AKAP9: variants seen among roughly 807,000 people sequenced by gnomAD.
AKAP9 encodes A-kinase anchoring protein 9, also known as A-kinase anchor protein 9.
AKAP9 carries 311 observed loss-of-function variants against 488.5 expected under a neutral mutation model. That is an observed-to-expected ratio of 0.64 (90% confidence interval 0.58 to 0.70). The LOEUF is 0.70. Among genes scored for constraint, AKAP9 ranks in the 30% least tolerant of loss-of-function variants. The probability of loss-of-function intolerance (pLI) is 0.00; values close to 1 mark genes in which losing one functional copy is unlikely to be tolerated. For missense variants in AKAP9, 4,215 were observed against 4,374.5 expected, an observed-to-expected ratio of 0.96 and a Z score of 1.03; for synonymous variants, 1,462 against 1,483.5, an observed-to-expected ratio of 0.99 and a Z score of 0.33.
chr7:92,039,904 G>A (rs1014672522), intron 17 of AKAP9, among the ~76,000 whole-genome samples: 1 of 152,220 alleles, frequency 6.6e-6, no homozygotes, highest in East Asian at 1.9e-4. Context: ...GAACTGGGGA[G>A]ATGAAGGTTG....
At chr7:92,077,910 T>C in intron 30 of AKAP9, 35 bp downstream of exon 30, 2 of 1,540,754 alleles carry the variant, frequency 1.3e-6, no homozygotes, top group Middle Eastern at 2.0e-4. Context: ...GAAATTAATA[T>C]GAACCAGAGT....
At chr7:91,950,478 C>G (rs376828698) in intron 1 of AKAP9, among the ~76,000 whole-genome samples, 3 of 152,128 alleles carry the variant, frequency 2.0e-5, no homozygotes, top group African/African-American at 7.2e-5. Flanking sequence ...GATCCGCCTG[C>G]CTCGGCCTCC....
intron 16 of AKAP9, among the ~76,000 whole-genome samples, chr7:92,035,915 A>AT (rs201013300): frequency 5.1e-4 from 75 of 148,106 alleles, no homozygotes; most frequent in African/African-American, 1.5e-3. Context: ...ATTTACCCAC[A>AT]TTTTTTTTTT....
At chr7:91,961,367 G>A (rs1014369437) in intron 1 of AKAP9, among the ~76,000 whole-genome samples, 4 of 151,314 alleles carry the variant, frequency 2.6e-5, no homozygotes, top group African/African-American at 4.9e-5. Context: ...TAGTAGAGAC[G>A]GGGTTTCACC....
chr7:92,062,762 A>G (rs1247395236), intron 24 of AKAP9, among the ~76,000 whole-genome samples: 1 of 152,130 alleles, frequency 6.6e-6, no homozygotes, highest in East Asian at 1.9e-4. Flanking sequence ...AGCTGCAAAT[A>G]ATGAGGCAGG....
At chr7:92,104,956 A>G (rs181103736) in intron 46 of AKAP9, among the ~76,000 whole-genome samples, 2 of 152,314 alleles carry the variant, frequency 1.3e-5, no homozygotes, top group Admixed American at 6.5e-5. Flanking sequence ...AATTTTGATT[A>G]GAGGGATCTA....
At chr7:91,964,957 G>A (rs1794247112) in intron 1 of AKAP9, among the ~76,000 whole-genome samples, 1 of 151,938 alleles carries the variant, frequency 6.6e-6, no homozygotes, top group African/African-American at 2.4e-5. Flanking sequence ...ATAATTTAAT[G>A]CACTCATATA....
At chr7:92,063,511 A>G in intron 24 of AKAP9, 1 of 984,192 alleles carries the variant, frequency 1.0e-6, no homozygotes, top group Non-Finnish European at 1.2e-6. Flanking sequence ...GTGTGTGTAT[A>G]CCATTGCATG....
chr7:91,978,113 G>A (rs1247863224), intron 2 of AKAP9, among the ~76,000 whole-genome samples: 5 of 151,746 alleles, frequency 3.3e-5, no homozygotes, highest in Admixed American at 2.6e-4. Context: ...ATGTTGGTGC[G>A]TGACTGTAAT....
chr7:92,001,941 G>A lies in AKAP9; in HGVS notation c.2024G>A (p.Ser675Asn), dbSNP rs1316989997. 1.2e-6 allele frequency: 2 copies of A among 1,612,788 alleles called. No individual in the cohort carries two copies. The highest frequency in any genetic ancestry group is 1.3e-5 in the African/African-American group (1 of 74,898). ...ATAGATGGTTTACAGAATGAAATGA[G>A]TCAAAAGATAGAAACCATGCAGTTT... ...QQIDGLQNEM[S>N]QKIETMQFEK... Residue 675 changes from serine (S) to asparagine (N), a missense_variant, in exon 8 of 50, where the codon AGT becomes AAT. By Grantham distance (46) the Ser-to-Asn change is conservative. Around this residue, in one of 5 missense-constraint regions of AKAP9, gnomAD observed 2,361 missense variants for 2,430.0 expected, o/e 0.97. Coordinates refer to ENST00000356239, the MANE Select transcript of AKAP9 (RefSeq NM_005751.5).
chr7:92,080,116 AAAG>A lies in AKAP9; in HGVS notation c.7986_7988del (p.Lys2663del). On this transcript the variant is annotated inframe_deletion, in exon 31 of 50. Transcript: ENST00000356239. ...ATGAGAAAAAACAGAGAGAGAAAGA[AAAG>A]AAAAGAAGCCCTCAAGATGTTGAAG... 6.3e-7 allele frequency: 1 copy of A among 1,592,498 alleles called. No individual in the cohort carries two copies. Among genetic ancestry groups the A allele is most frequent in the Non-Finnish European group, 8.5e-7 (1 of 1,175,948 alleles).
intron 1 of AKAP9, among the ~76,000 whole-genome samples, chr7:91,953,227 A>G (rs998885112): frequency 6.6e-6 from 1 of 152,198 alleles, no homozygotes; most frequent in African/African-American, 2.4e-5. Context: ...GAGCATGGAG[A>G]GGAGGTTTCT....
intron 18 of AKAP9, 149 bp from the exon 19 acceptor site, chr7:92,041,897 T>C (rs1806169527): frequency 1.3e-6 from 1 of 753,748 alleles, no homozygotes; most frequent in African/African-American, 1.8e-5. Context: ...TTGATCTTTG[T>C]ATATACTTTT....
intron 38 of AKAP9, chr7:92,092,194 A>T (rs142709536): frequency 3.3e-5 from 5 of 152,210 alleles, no homozygotes; most frequent in African/African-American, 1.2e-4. Context: ...TTCATTTAAC[A>T]TACTGAGGCA....
intron 8 of AKAP9, among the ~76,000 whole-genome samples, chr7:92,011,930 A>G (rs1220522107): frequency 6.6e-6 from 1 of 152,144 alleles, no homozygotes; most frequent in African/African-American, 2.4e-5. Flanking sequence ...GTGAGACCCC[A>G]TCTTTACCTA....
At chr7:92,012,699 C>T in intron 9 of AKAP9, 57 bp downstream of exon 9, 1 of 1,400,964 alleles carries the variant, frequency 7.1e-7, no homozygotes, top group Non-Finnish European at 1.0e-6. Context: ...GGATAGAGCC[C>T]ACCATTCTAT....
intron 1 of AKAP9, among the ~76,000 whole-genome samples, chr7:91,960,816 T>A (rs572649924): frequency 1.3e-5 from 2 of 152,320 alleles, no homozygotes; most frequent in East Asian, 3.9e-4. Context: ...CTACCTGACA[T>A]ATGCCAAGTT....
At position 92,080,090 on chromosome 7, in the gene AKAP9, A is replaced by G; in HGVS notation, c.7957A>G (p.Asn2653Asp). ...AGAACTACAGAAGCTATTGGAGGGC[A>G]ATGAGAAAAAACAGAGAGAGAAAGA... is the stretch of plus-strand genomic sequence containing the variant. ...LLELQKLLEG[N>D]EKKQREKEKK... The change falls in exon 31 of 50, where the codon AAT becomes GAT. Residue 2653 changes from asparagine (N) to aspartate (D), a missense_variant. Physicochemically the swap from Asn to Asp is conservative, Grantham distance 23. This residue lies in a region of AKAP9 where 1,476 missense variants were observed against 1,477.4 expected (regional missense o/e 1.00). Transcript: ENST00000356239. 14 of 1,588,184 alleles carry G rather than the reference A, an allele frequency of 8.8e-6. No homozygotes were observed. Among genetic ancestry groups the G allele is most frequent in the Non-Finnish European group, 1.1e-5 (13 of 1,174,744 alleles).
At position 91,995,762 on chromosome 7, in the gene AKAP9, A is replaced by G; in HGVS notation, c.892A>G (p.Ile298Val). ...QKKKEDFTMQ[I>V]SFLQEKIKVY... ...AAAGAAAGAAGACTTCACAATGCAAATTAGTTTCTTGCAAGAGAAAATTAA... is the reference window on the plus strand; with the variant it reads ...AAAGAAAGAAGACTTCACAATGCAAGTTAGTTTCTTGCAAGAGAAAATTAA... Residue 298 changes from isoleucine (I) to valine (V), a missense_variant, in exon 7 of 50, where the codon ATT becomes GTT. Ile to Val is a conservative substitution (Grantham distance 29). Transcript: ENST00000356239. 6.2e-7 allele frequency: 1 copy of G among 1,612,340 alleles called. No individual in the cohort carries two copies. Among genetic ancestry groups the G allele is most frequent in the South Asian group, 1.1e-5 (1 of 90,962 alleles).
Sources: gnomAD v4.1 joint callset for allele counts (sites outside exome capture counted in the v4.1 genomes callset) on GRCh38, gnomAD v4.1.1 for gene constraint, gnomAD v4.1.1 regional missense constraint, MANE v1.5 for transcripts, NCBI Gene and HGNC (gene_info 2026-07-23, HGNC 2026-07-21) for gene names.